The following ENO1 variants were observed in gnomAD, a reference collection of about 807,000 sequenced individuals.
ENO1 encodes alpha-enolase.
A neutral mutation model predicts 46.3 loss-of-function variants in ENO1; 33 were observed. The observed-to-expected ratio is 0.71, with a 90% confidence interval of 0.54 to 0.95. The LOEUF is 0.95. ENO1 is among the 40% of genes least tolerant of loss of function. The pLI is 0.00. For missense variants in ENO1, 488 were observed against 553.3 expected, an observed-to-expected ratio of 0.88 and a Z score of 1.18; for synonymous variants, 220 against 216.0, an observed-to-expected ratio of 1.02 and a Z score of -0.16.
intron 3 of ENO1, chr1:8,871,495 C>T (rs1642631673): frequency 3.9e-6 from 4 of 1,014,476 alleles, no homozygotes; most frequent in Non-Finnish European, 4.7e-6. Context: ...TTCCCTGGAT[C>T]CTTTCTAGCC....
rs1409935440 is a variant in ENO1 at position 8,863,267 on chromosome 1, C to T, written c.1144G>A (p.Ala382Thr). ...RSGETEDTFI[A>T]DLVVGLCTGQ... ...GTGCACAGCCCCACAACCAGGTCAG[C>T]GATGAAGGTATCTTCAGTCTCCCCC... The change falls in exon 10 of 12, where the codon GCT becomes ACT. Residue 382 changes from alanine (A) to threonine (T), a missense_variant. Transcript: ENST00000234590. The T allele has an allele frequency of 1.9e-5, 30 of 1,614,008 alleles. No individual in the cohort carries two copies. The highest frequency in any genetic ancestry group is 3.3e-5 in the Admixed American group (2 of 59,996).
At chr1:8,871,304 G>A (rs1006951) in intron 3 of ENO1, 40 of 994,810 alleles carry the variant, frequency 4.0e-5, no homozygotes, top group African/African-American at 1.7e-5. Context: ...GTGCTTTTCT[G>A]TAATTTGGCC....
chr1:8,865,419 A>G lies in ENO1; in HGVS notation c.731T>C (p.Met244Thr), dbSNP rs770189543. The part of the protein sequence containing the change: ...AGYTDKVVIG[M>T]DVAASEFFRS... ...GAAGAACTCGGAGGCCGCTACGTCC[A>G]TGCCGATGACCACCTTATCAGTGTA... Residue 244 changes from methionine (M) to threonine (T), a missense_variant, in exon 8 of 12, where the codon ATG becomes ACG. Transcript: ENST00000234590. 2.8e-5 allele frequency: 45 copies of G among 1,613,906 alleles called. No homozygotes were observed. The highest frequency in any genetic ancestry group is 3.7e-5 in the Non-Finnish European group (44 of 1,180,050).
chr1:8,868,274 G>GC (rs1165830179), intron 4 of ENO1, among the ~76,000 whole-genome samples: 1 of 152,124 alleles, frequency 6.6e-6, no homozygotes, highest in African/African-American at 2.4e-5. Context: ...ACCCAACAAT[G>GC]CAACAGAGAT....
chr1:8,863,071 A>G (rs1642438228), intron 10 of ENO1, 126 bp from the exon 11 acceptor site: 1 of 1,381,500 alleles, frequency 7.2e-7, no homozygotes. Flanking sequence ...GGGGGCCACA[A>G]CATACAGGCA....
At chr1:8,875,281 T>C (rs1642712222) in intron 1 of ENO1, among the ~76,000 whole-genome samples, 1 of 151,332 alleles carries the variant, frequency 6.6e-6, no homozygotes, top group Non-Finnish European at 1.5e-5. Context: ...ACCCTAGCAA[T>C]TGAGGTCTTG....
chr1:8,874,710 C>G, intron 2 of ENO1, 114 bp downstream of exon 2: 1 of 912,228 alleles, frequency 1.1e-6, no homozygotes, highest in Non-Finnish European at 1.7e-6. Context: ...CATGTGCAGA[C>G]AGAAAGAAAA....
intron 7 of ENO1, 193 bp downstream of exon 7, chr1:8,866,086 A>G: frequency 1.8e-6 from 1 of 543,096 alleles, no homozygotes; most frequent in Non-Finnish European, 3.2e-6. Context: ...CAAAAAAAAA[A>G]AAAAAAAGAA....
At chr1:8,870,673 T>C (rs1642612642) in intron 3 of ENO1, 163 bp from the exon 4 acceptor site, 1 of 1,477,086 alleles carries the variant, frequency 6.8e-7, no homozygotes, top group South Asian at 1.3e-5. Flanking sequence ...CGGAGGACTT[T>C]CCGGCCCAGT....
chr1:8,865,242 G>C (rs375845532), intron 8 of ENO1, 43 bp downstream of exon 8: 53 of 1,606,956 alleles, frequency 3.3e-5, no homozygotes, highest in Admixed American at 5.0e-5. Context: ...CCCTGCTGCA[G>C]GTCAGTGGCA....
intron 2 of ENO1, 72 bp from the exon 3 acceptor site, chr1:8,872,058 G>A (rs559957704): frequency 3.1e-5 from 39 of 1,254,174 alleles, no homozygotes; most frequent in African/African-American, 5.9e-5. Flanking sequence ...GTCCCCTCCC[G>A]CCCACAGATG....
rs140944386 is a variant in ENO1 at position 8,864,061 on chromosome 1, A to G, written c.897T>C (p.Asp299=). The G allele has an allele frequency of 2.7e-5, 43 of 1,613,996 alleles. No individual in the cohort carries two copies. The African/African-American group carries it at 5.1e-4, about 19-fold the overall frequency. Residue 299 remains aspartate, a synonymous_variant, in exon 9 of 12, where the codon GAT becomes GAC. Coordinates refer to ENST00000234590, the MANE Select transcript of ENO1 (RefSeq NM_001428.5). ...TGAACTTCTGCCAAGCTCCCCAGTCATCCTGGTCAAAGGGATCTTCGATAG... is the reference window on the plus strand; with the variant it reads ...TGAACTTCTGCCAAGCTCCCCAGTCGTCCTGGTCAAAGGGATCTTCGATAG... ...VVSIEDPFDQ[D]DWGAWQKFTA... is the part of the protein sequence containing the mutation.
intron 2 of ENO1, among the ~76,000 whole-genome samples, chr1:8,874,611 AAG>A (rs1399382854): frequency 6.6e-6 from 1 of 151,384 alleles, no homozygotes; most frequent in East Asian, 1.9e-4. Context: ...GAAAAAGAAA[AAG>A]AAAAAAATAA....
At position 8,861,395 on chromosome 1, in the gene ENO1, C is replaced by G. The variant is rs369746357; in HGVS notation, c.1270G>C (p.Ala424Pro). Residue 424 changes from alanine (A) to proline (P), a missense_variant, in exon 12 of 12, where the codon GCC (alanine) becomes CCC (proline). Coordinates refer to ENST00000234590, the MANE Select transcript of ENO1 (RefSeq NM_001428.5). Reference protein sequence around the residue: ...EEELGSKAKFAGRNFRNPLAK With the variant: ...EEELGSKAKFPGRNFRNPLAK ...AAGGGGTTTCTGAAGTTCCTGCCGG[C>G]AAACTTAGCCTTGCTGCCCAGCTCC... 1.5e-5 allele frequency: 24 copies of G among 1,614,052 alleles called. No homozygotes were observed. In the African/African-American group the frequency reaches 2.7e-4, roughly 18 times the overall value.
chr1:8,868,509 T>C (rs1162178138), intron 4 of ENO1, among the ~76,000 whole-genome samples: 1 of 152,172 alleles, frequency 6.6e-6, no homozygotes, highest in Admixed American at 6.5e-5. Flanking sequence ...ACTGCAAAGA[T>C]GGCAAATCTT....
At chr1:8,868,739 G>A (rs1033186833) in intron 4 of ENO1, among the ~76,000 whole-genome samples, 2 of 152,332 alleles carry the variant, frequency 1.3e-5, no homozygotes, top group African/African-American at 4.8e-5. Context: ...AGGCAGGAAT[G>A]CAGTGTCACG....
chr1:8,866,289 C>T lies in ENO1; in HGVS notation c.657G>A (p.Glu219=), dbSNP rs748321467. The T allele has an allele frequency of 1.2e-6, 2 of 1,613,906 alleles. No individual in the cohort carries two copies. The highest frequency in any genetic ancestry group is 1.7e-6 in the Non-Finnish European group (2 of 1,180,030). Residue 219 remains glutamate (E), a synonymous_variant, in exon 7 of 12, where the codon GAG becomes GAA. Coordinates refer to ENST00000234590, the MANE Select transcript of ENO1 (RefSeq NM_001428.5). ...CCCTAGCGCCTTTACCTTCTTTATTCTCCAGGATGTTGGGAGCAAACCCGC... is the reference window on the plus strand; with the variant it reads ...CCCTAGCGCCTTTACCTTCTTTATTTTCCAGGATGTTGGGAGCAAACCCGC... ...DEGGFAPNIL[E]NKEGLELLKT...
rs527568599 is a variant in ENO1, at chr1:8,866,494, T to C, written c.452A>G (p.Asn151Ser). The change falls in exon 7 of 12, where the codon AAT becomes AGT. Residue 151 changes from asparagine to serine, a missense_variant. Transcript: ENST00000234590. Reference sequence around the variant, plus strand: ...AGCATGAGAACCGCCATTGATGACATTGAACGCCTGGGGAGAGCAGAGCAG... The same window carrying C: ...AGCATGAGAACCGCCATTGATGACACTGAACGCCTGGGGAGAGCAGAGCAG... ...SEVILPVPAF[N>S]VINGGSHAGN... 26 of 1,614,144 alleles carry C rather than the reference T, an allele frequency of 1.6e-5. No individual in the cohort carries two copies. Among genetic ancestry groups the C allele is most frequent in the African/African-American group, 5.3e-5 (4 of 75,024 alleles).
intron 2 of ENO1, 22 bp from the exon 3 acceptor site, chr1:8,872,008 G>A (rs1557585866): frequency 6.2e-7 from 1 of 1,603,464 alleles, no homozygotes. Flanking sequence ...GAAAAAAGAT[G>A]TAGTAGCAAT....
Sources: gnomAD v4.1 joint callset for allele counts (sites outside exome capture counted in the v4.1 genomes callset) on GRCh38, gnomAD v4.1.1 for gene constraint, MANE v1.5 for transcripts, NCBI Gene and HGNC (gene_info 2026-07-23, HGNC 2026-07-21) for gene names.